The following TTC28 variants were observed in gnomAD, a reference collection of about 807,000 sequenced individuals.
TTC28 encodes the protein tetratricopeptide repeat domain 28.
Under a neutral mutation model 198.0 loss-of-function variants are expected in TTC28, and 61 were observed. That is an observed-to-expected ratio of 0.31 (90% confidence interval 0.25 to 0.38). The LOEUF (loss-of-function observed/expected upper bound fraction) is 0.38. TTC28 is among the 10% of genes least tolerant of loss of function. The pLI, the probability that TTC28 is intolerant of heterozygous loss-of-function variation, is 1.00. For synonymous variants in TTC28, 1,171 were observed against 1,297.8 expected, an observed-to-expected ratio of 0.90 and a Z score of 2.10; for missense variants, 2,678 against 3,164.0, an observed-to-expected ratio of 0.85 and a Z score of 3.69.
intron 2 of TTC28, among the ~76,000 whole-genome samples, chr22:28,530,220 C>T (rs1279210423): frequency 2.0e-5 from 3 of 152,140 alleles, no homozygotes; most frequent in Non-Finnish European, 2.9e-5. Context: ...GTTAAATGAC[C>T]TGATGGAGCT....
intron 5 of TTC28, among the ~76,000 whole-genome samples, chr22:28,251,560 A>G (rs536595677): frequency 6.6e-6 from 1 of 152,310 alleles, no homozygotes; most frequent in South Asian, 2.1e-4. Context: ...GAGAAACAAA[A>G]ATAGGATATG....
intron 17 of TTC28, chr22:27,994,383 T>C (rs1017421955): frequency 2.0e-5 from 3 of 152,024 alleles, no homozygotes; most frequent in Non-Finnish European, 2.9e-5. Context: ...CTCTGGGATG[T>C]TGGGTGCCCT....
intron 2 of TTC28, among the ~76,000 whole-genome samples, chr22:28,610,932 G>A (rs754452783): frequency 3.9e-5 from 6 of 151,906 alleles, no homozygotes; most frequent in Non-Finnish European, 5.9e-5. Context: ...GCATACACAA[G>A]TATCAATAGC....
Position 27,998,933 on chromosome 22 carries a change from G to A in TTC28, c.4726C>T (p.Pro1576Ser). Residue 1576 changes from proline to serine, a missense_variant, in exon 16 of 23, where the codon CCC becomes TCC. Physicochemically the swap from Pro to Ser is moderately conservative, Grantham distance 74. Around this residue, in one of 8 missense-constraint regions of TTC28, gnomAD observed 727 missense variants for 861.9 expected, o/e 0.84. Transcript: ENST00000397906. Reference sequence around the variant, plus strand: ...CGCAAGGACTCAGGGATCGTGTAGGGGTGGCCGAAGGAGCTCTTGCTGCTG... The same window carrying A: ...CGCAAGGACTCAGGGATCGTGTAGGAGTGGCCGAAGGAGCTCTTGCTGCTG... ...PASSKSSFGH[P>S]YTIPESLRVQ... 1 of 1,550,818 alleles carries A rather than the reference G, an allele frequency of 6.4e-7. No homozygotes were observed. Among genetic ancestry groups the A allele is most frequent in the African/African-American group, 1.4e-5 (1 of 73,168 alleles).
At chr22:28,486,528 A>G (rs2048317178) in intron 2 of TTC28, among the ~76,000 whole-genome samples, 2 of 152,214 alleles carry the variant, frequency 1.3e-5, no homozygotes, top group African/African-American at 2.4e-5. Flanking sequence ...TAAGAGAATT[A>G]TAACTAATCA....
intron 5 of TTC28, among the ~76,000 whole-genome samples, chr22:28,177,771 T>A (rs1047907579): frequency 6.6e-5 from 10 of 152,298 alleles, no homozygotes; most frequent in African/African-American, 2.4e-4. Context: ...CAACATATTG[T>A]ATGATTTCAA....
At chr22:28,274,999 AAG>A (rs1249200888) in intron 5 of TTC28, among the ~76,000 whole-genome samples, 34 of 147,612 alleles carry the variant, frequency 2.3e-4, no homozygotes, top group African/African-American at 7.3e-4. Context: ...AAAAAAAAAA[AAG>A]AGAGAGAGAG....
At chr22:28,416,078 T>C (rs1314851954) in intron 2 of TTC28, among the ~76,000 whole-genome samples, 1 of 152,180 alleles carries the variant, frequency 6.6e-6, no homozygotes, top group Non-Finnish European at 1.5e-5. Context: ...ATTGGAATTT[T>C]CCTAAAACTT....
At chr22:28,081,031 T>G (rs1387131684) in intron 12 of TTC28, among the ~76,000 whole-genome samples, 1 of 151,232 alleles carries the variant, frequency 6.6e-6, no homozygotes, top group Non-Finnish European at 1.5e-5. Flanking sequence ...TTTATTCTAT[T>G]TCATTGGTTT....
intron 11 of TTC28, among the ~76,000 whole-genome samples, chr22:28,095,746 A>C (rs1941952717): frequency 6.6e-6 from 1 of 152,248 alleles, no homozygotes; most frequent in South Asian, 2.1e-4. Context: ...AATTTCAAGC[A>C]TAAGACTTAT....
intron 2 of TTC28, among the ~76,000 whole-genome samples, chr22:28,547,625 C>G (rs147817180): frequency 6.6e-6 from 1 of 152,028 alleles, no homozygotes; most frequent in Non-Finnish European, 1.5e-5. Context: ...AAGAAGCTGT[C>G]ATTTTTTATT....
chr22:27,986,993 T>A (rs1465924586), intron 21 of TTC28, among the ~76,000 whole-genome samples: 4 of 152,282 alleles, frequency 2.6e-5, no homozygotes, highest in Non-Finnish European at 5.9e-5. Context: ...GTCCTCTCCA[T>A]CTCTGACAGC....
chr22:28,226,476 G>A (rs1480964067), intron 5 of TTC28, among the ~76,000 whole-genome samples: 1 of 152,072 alleles, frequency 6.6e-6, no homozygotes, highest in African/African-American at 2.4e-5. Flanking sequence ...TTCCAGGCTG[G>A]AGTGCAGTGG....
chr22:28,138,155 C>A (rs1471689314), intron 6 of TTC28, among the ~76,000 whole-genome samples: 1 of 152,200 alleles, frequency 6.6e-6, no homozygotes, highest in Non-Finnish European at 1.5e-5. Context: ...TCCTTAAACA[C>A]TTTCTAACAA....
At chr22:28,014,150 G>A in intron 14 of TTC28, 98 bp downstream of exon 14, 2 of 1,395,540 alleles carry the variant, frequency 1.4e-6, no homozygotes, top group Non-Finnish European at 1.9e-6. Context: ...GTTGTCTCGG[G>A]AGCCCATTTT....
At chr22:28,171,622 C>CAA (rs5844804) in intron 5 of TTC28, among the ~76,000 whole-genome samples, 2,714 of 104,502 alleles carry the variant, frequency 0.026, 60 homozygotes, top group East Asian at 0.085. Context: ...GGCATATTTG[C>CAA]AAAAAAAAAA....
At chr22:28,315,164 GGAATGCA>G (rs549626456) in intron 2 of TTC28, among the ~76,000 whole-genome samples, 92 of 152,262 alleles carry the variant, frequency 6.0e-4, no homozygotes, top group African/African-American at 2.1e-3. Context: ...TCTCACTATA[GGAATGCA>G]GAATGTCAAG....
intron 5 of TTC28, among the ~76,000 whole-genome samples, chr22:28,206,504 G>A (rs1360894053): frequency 2.0e-5 from 3 of 152,162 alleles, no homozygotes; most frequent in Admixed American, 2.0e-4. Flanking sequence ...AGAGAACCTA[G>A]TTTATCACGT....
chr22:28,604,314 T>TATATATATATATATATATATATAA (rs2050694086), intron 2 of TTC28, among the ~76,000 whole-genome samples: 1 of 144,232 alleles, frequency 6.9e-6, no homozygotes, highest in African/African-American at 2.6e-5. Context: ...TATATATATA[T>TATATATATATATATATATATATAA]ATATATATGT....
Sources: gnomAD v4.1 joint callset for allele counts (sites outside exome capture counted in the v4.1 genomes callset) on GRCh38, gnomAD v4.1.1 for gene constraint, gnomAD v4.1.1 regional missense constraint, MANE v1.5 for transcripts, NCBI Gene and HGNC (gene_info 2026-07-23, HGNC 2026-07-21) for gene names.